PDE1A: variants seen among roughly 807,000 people sequenced by gnomAD.
The protein encoded by PDE1A is phosphodiesterase 1A.
Under a neutral mutation model 61.7 loss-of-function variants are expected in PDE1A, and 35 were observed. The observed-to-expected ratio is 0.57, with a 90% confidence interval of 0.43 to 0.75. PDE1A has a LOEUF of 0.75. Among genes scored for constraint, PDE1A ranks in the 30% least tolerant of loss-of-function variants. PDE1A has a pLI of 0.00. For synonymous variants in PDE1A, 232 were observed against 213.2 expected, an observed-to-expected ratio of 1.09 and a Z score of -0.77; for missense variants, 597 against 630.6, an observed-to-expected ratio of 0.95 and a Z score of 0.57.
At chr2:182,275,808 C>T (rs1156959340) in intron 1 of PDE1A, among the ~76,000 whole-genome samples, 1 of 152,032 alleles carries the variant, frequency 6.6e-6, no homozygotes, top group Non-Finnish European at 1.5e-5. Context: ...GTATATCTAA[C>T]TTTCTAAATG....
At chr2:182,440,198 A>T (rs1160245553) in intron 2 of PDE1A, among the ~76,000 whole-genome samples, 1 of 152,088 alleles carries the variant, frequency 6.6e-6, no homozygotes, top group Non-Finnish European at 1.5e-5. Context: ...AAACTGAAGC[A>T]ATCATCTAGG....
chr2:182,268,795 ATG>A (rs1368237252), intron 1 of PDE1A, among the ~76,000 whole-genome samples: 4 of 152,012 alleles, frequency 2.6e-5, no homozygotes, highest in Non-Finnish European at 5.9e-5. Flanking sequence ...TCCTTTGAAG[ATG>A]CCTGTTCATT....
At chr2:182,472,247 A>G (rs781106020) in intron 2 of PDE1A, among the ~76,000 whole-genome samples, 94 of 152,088 alleles carry the variant, frequency 6.2e-4, no homozygotes, top group Non-Finnish European at 1.1e-3. Flanking sequence ...TATCAAAAAG[A>G]TATCTGTACT....
the PDE1A span, among the ~76,000 whole-genome samples, chr2:182,565,535 C>T: frequency 6.6e-6 from 1 of 152,066 alleles, no homozygotes; most frequent in South Asian, 2.1e-4. Context: ...GCAGTCTGCC[C>T]GTTCTTGACT....
chr2:182,673,989 CATATAT>C, the PDE1A span, among the ~76,000 whole-genome samples: 42 of 135,274 alleles, frequency 3.1e-4, no homozygotes, highest in Middle Eastern at 3.6e-3. Flanking sequence ...AATATAACTT[CATATAT>C]ATATATATAT....
At chr2:182,469,581 A>C (rs1307209954) in intron 2 of PDE1A, among the ~76,000 whole-genome samples, 1 of 151,916 alleles carries the variant, frequency 6.6e-6, no homozygotes, top group Non-Finnish European at 1.5e-5. Context: ...CTTATAATTC[A>C]TATGTTCACT....
intron 2 of PDE1A, among the ~76,000 whole-genome samples, chr2:182,511,582 A>G (rs1426386012): frequency 6.6e-6 from 1 of 152,140 alleles, no homozygotes; most frequent in Non-Finnish European, 1.5e-5. Context: ...TAGTGTGGGA[A>G]CAGCTATAGT....
chr2:182,294,765 T>C (rs1007297424), intron 1 of PDE1A, among the ~76,000 whole-genome samples: 1 of 152,012 alleles, frequency 6.6e-6, no homozygotes, highest in East Asian at 1.9e-4. Flanking sequence ...AAAATGTGAA[T>C]TGAGAAAGAG....
upstream of PDE1A, among the ~76,000 whole-genome samples, chr2:182,523,713 C>A (rs1287495018): frequency 1.3e-5 from 2 of 152,116 alleles, no homozygotes; most frequent in Admixed American, 1.3e-4. Context: ...TTTTTAAATT[C>A]TTACAAGATG....
In PDE1A at chr2:182,262,381, T is replaced by G. The variant is rs372688726; in HGVS notation, c.167+1920A>C. Among the ~76,000 whole-genome samples, 6 of 152,052 alleles carry G rather than the reference T, an allele frequency of 3.9e-5. No homozygotes were observed. In the East Asian group the frequency reaches 7.7e-4, roughly 20 times the overall value. ...CCCTGGCTCAAGTGATCCTCCCACC[T>G]CAGCCTCCCAAATAGCTGGGACTAC... is the stretch of plus-strand genomic sequence containing the variant. On this transcript the variant is annotated intron_variant, in intron 2 of 13. Transcript: ENST00000351439.
At chr2:182,264,461 G>T in intron 1 of PDE1A, 47 bp from the exon 2 acceptor site, 1 of 1,344,324 alleles carries the variant, frequency 7.4e-7, no homozygotes, top group Non-Finnish European at 1.1e-6. Context: ...GGAATTTATT[G>T]TAACTATATG....
At chr2:182,171,221 C>T (rs566803049) in intron 13 of PDE1A, among the ~76,000 whole-genome samples, 38 of 151,860 alleles carry the variant, frequency 2.5e-4, no homozygotes, top group Non-Finnish European at 4.9e-4. Flanking sequence ...GTCATAGGTA[C>T]AGTGATTAAC....
At chr2:182,602,992 C>CACACACACACATACATACATACAT in the PDE1A span, among the ~76,000 whole-genome samples, 18 of 130,390 alleles carry the variant, frequency 1.4e-4, no homozygotes, top group African/African-American at 4.9e-4. Context: ...CACACACACA[C>CACACACACACATACATACATACAT]ACATACATAC....
At chr2:182,641,019 CA>C in the PDE1A span, among the ~76,000 whole-genome samples, 2 of 61,314 alleles carry the variant, frequency 3.3e-5, no homozygotes, top group African/African-American at 7.1e-5. Flanking sequence ...GACTCCATCT[CA>C]AAAAAAAAAA....
the PDE1A span, among the ~76,000 whole-genome samples, chr2:182,560,037 G>A: frequency 5.9e-5 from 9 of 151,692 alleles, no homozygotes; most frequent in Admixed American, 5.3e-4. Context: ...TGGTGGCAGA[G>A]GGATGGATGA....
At chr2:182,244,528 T>C (rs781753049) in intron 2 of PDE1A, among the ~76,000 whole-genome samples, 84 of 152,242 alleles carry the variant, frequency 5.5e-4, no homozygotes, top group Non-Finnish European at 9.7e-4. Context: ...TTCACCTCCT[T>C]GTATTATCAT....
chr2:182,651,824 A>C, the PDE1A span, among the ~76,000 whole-genome samples: 1 of 152,208 alleles, frequency 6.6e-6, no homozygotes, highest in South Asian at 2.1e-4. Context: ...CTTAAGACAT[A>C]CAGATCATCA....
At chr2:182,174,080 A>C (rs1686378593) in intron 13 of PDE1A, among the ~76,000 whole-genome samples, 1 of 152,090 alleles carries the variant, frequency 6.6e-6, no homozygotes, top group Admixed American at 6.6e-5. Context: ...ATAAAACTAC[A>C]GATAAATACC....
chr2:182,393,226 C>A (rs1187785394), intron 1 of PDE1A, among the ~76,000 whole-genome samples: 1 of 152,234 alleles, frequency 6.6e-6, no homozygotes, highest in Non-Finnish European at 1.5e-5. Context: ...CAGCCACACG[C>A]CCAACACCAT....
Sources: allele counts gnomAD v4.1 joint callset (sites outside exome capture counted in the v4.1 genomes callset), GRCh38; gene constraint gnomAD v4.1.1; transcripts MANE v1.5; gene names NCBI Gene and HGNC (gene_info 2026-07-23, HGNC 2026-07-21).